Variants in FYCO1 observed in about 807,000 individuals in gnomAD.
FYCO1 encodes FYVE and coiled-coil domain-containing protein 1.
A neutral mutation model predicts 165.1 loss-of-function variants in FYCO1; 122 were observed. The ratio of observed to expected loss-of-function variants is 0.74; its 90% CI spans 0.64 to 0.86. The LOEUF is 0.86. FYCO1 is among the 40% of genes least tolerant of loss of function. The pLI is 0.00. For synonymous variants in FYCO1, 648 were observed against 742.5 expected, an observed-to-expected ratio of 0.87 and a Z score of 2.07; for missense variants, 1,702 against 1,810.3, an observed-to-expected ratio of 0.94 and a Z score of 1.09.
chr3:45,981,891 T>G (rs1369536790), intron 2 of FYCO1, among the ~76,000 whole-genome samples: 1 of 152,246 alleles, frequency 6.6e-6, no homozygotes, highest in Non-Finnish European at 1.5e-5. Flanking sequence ...GCTTGTTGAC[T>G]GGGCACATTT....
At chr3:45,971,292 G>T (rs1559462742) in intron 6 of FYCO1, among the ~76,000 whole-genome samples, 1 of 152,112 alleles carries the variant, frequency 6.6e-6, no homozygotes, top group Non-Finnish European at 1.5e-5. Flanking sequence ...AAGAAATAAT[G>T]GAGTTAGAAA....
chr3:45,943,606 G>T (rs759885605), intron 14 of FYCO1: 3 of 152,180 alleles, frequency 2.0e-5, no homozygotes, highest in Non-Finnish European at 2.9e-5. Context: ...AGGTATTGTT[G>T]GTATTCTCAG....
intron 5 of FYCO1, among the ~76,000 whole-genome samples, 180 bp downstream of exon 5, chr3:45,975,059 G>T (rs564337332): frequency 6.6e-6 from 1 of 152,024 alleles, no homozygotes; most frequent in African/African-American, 2.4e-5. Context: ...AGTGCTACTT[G>T]CCCACATGTG....
chr3:45,923,789 A>G (rs1324968778), intron 16 of FYCO1, 24 bp from the exon 17 acceptor site: 6 of 1,499,496 alleles, frequency 4.0e-6, no homozygotes, highest in Non-Finnish European at 4.6e-6. Context: ...CAGGTAGGCA[A>G]AAACATCACA....
intron 17 of FYCO1, 43 bp downstream of exon 17, chr3:45,923,613 G>C: frequency 8.3e-7 from 1 of 1,199,584 alleles, no homozygotes; most frequent in Non-Finnish European, 1.2e-6. Flanking sequence ...AGAGGTGAAA[G>C]AGAGGCCTGG....
chr3:45,949,679 T>C (rs1704875413), intron 14 of FYCO1, among the ~76,000 whole-genome samples: 1 of 152,164 alleles, frequency 6.6e-6, no homozygotes, highest in South Asian at 2.1e-4. Flanking sequence ...GCACCATGCT[T>C]GGGCCTGCCT....
rs987304136 is a variant in FYCO1, at chr3:45,919,031, G to T, written c.*2734C>A. On this transcript the variant is annotated 3_prime_UTR_variant, in exon 18 of 18. Coordinates refer to ENST00000296137, the MANE Select transcript of FYCO1 (RefSeq NM_024513.4). The stretch of plus-strand genomic sequence containing the variant: ...CTGGTATCGATATGAAGACGTAACT[G>T]TTATTCAGAGAGATGAGCCATCAAG... The T allele has an allele frequency of 1.3e-5, 2 of 149,082 alleles. No individual in the cohort carries two copies. The highest frequency in any genetic ancestry group is 2.5e-5 in the African/African-American group (1 of 39,942). 9.2% of individuals were successfully genotyped at this position (149,082 alleles called of 1,614,324 possible). A position where few individuals can be genotyped will look rare whatever the true frequency, so the allele number is the denominator to read the frequency against.
Position 45,967,814 on chromosome 3 carries a change from T to G in FYCO1, c.1520A>C (p.Glu507Ala). ...QQEEKELLEQEVRSLTRQLQF... is the reference protein window; with the variant it reads ...QQEEKELLEQAVRSLTRQLQF... Reference sequence around the variant, plus strand: ...CAGCTGCCGGGTCAGAGACCTGACCTCCTGCTCCAGCAGCTCCTTCTCCTC... The same window carrying G: ...CAGCTGCCGGGTCAGAGACCTGACCGCCTGCTCCAGCAGCTCCTTCTCCTC... The change falls in exon 8 of 18, where the codon GAG becomes GCG. Residue 507 changes from glutamate (E) to alanine (A), a missense_variant. By Grantham distance (107) the Glu-to-Ala change is moderately radical. Coordinates refer to ENST00000296137, the MANE Select transcript of FYCO1 (RefSeq NM_024513.4). The G allele has an allele frequency of 6.2e-7, 1 of 1,614,086 alleles. No individual in the cohort carries two copies. The highest frequency in any genetic ancestry group is 8.5e-7 in the Non-Finnish European group (1 of 1,180,018).
chr3:45,929,994 G>A (rs978027593), intron 16 of FYCO1, among the ~76,000 whole-genome samples: 3 of 152,120 alleles, frequency 2.0e-5, no homozygotes, highest in Non-Finnish European at 4.4e-5. Context: ...CAAGCCCCTC[G>A]AGGGCACCCA....
rs753353238 is a variant in FYCO1 at position 45,981,557 on chromosome 3, A to G, written c.162+13T>C. ...ACCAGTGCAAAAATCAACACATTAC[A>G]GGCATCACTTACTTGCAGGAGATAC... On this transcript the variant is annotated intron_variant, in intron 3 of 17. Coordinates refer to ENST00000296137, the MANE Select transcript of FYCO1 (RefSeq NM_024513.4). The G allele has an allele frequency of 4.7e-6, 7 of 1,485,614 alleles. No homozygotes were observed. In the Admixed American group the frequency reaches 8.4e-5, roughly 18 times the overall value. The allele number at this position is 1,485,614 out of a possible 1,614,324, so 92.0% of individuals were successfully genotyped here. A position where few individuals can be genotyped will look rare whatever the true frequency, so the allele number is the denominator to read the frequency against.
chr3:45,934,675 C>A (rs970736746), intron 15 of FYCO1, among the ~76,000 whole-genome samples: 1 of 152,090 alleles, frequency 6.6e-6, no homozygotes, highest in Non-Finnish European at 1.5e-5. Flanking sequence ...TATCAACAGG[C>A]TAAGGAAGAA....
chr3:45,951,856 A>G (rs112732283), intron 14 of FYCO1, among the ~76,000 whole-genome samples: 3,418 of 152,166 alleles, frequency 0.022, 135 homozygotes, highest in African/African-American at 0.076. Context: ...CCCCTTCCTG[A>G]CCCATCTCTG....
chr3:45,965,259 T>G, intron 8 of FYCO1, 134 bp from the exon 9 acceptor site: 2 of 680,652 alleles, frequency 2.9e-6, no homozygotes, highest in Non-Finnish European at 5.2e-6. Context: ...TCAATGAGCT[T>G]TGGGTTTATT....
chr3:45,946,741 G>A (rs1316709472), intron 14 of FYCO1: 1 of 1,614,080 alleles, frequency 6.2e-7, no homozygotes, highest in Non-Finnish European at 8.5e-7. Flanking sequence ...CTGCCCTTCT[G>A]GGCCTATGCA....
At chr3:45,922,345 G>C (rs1703124099) in intron 17 of FYCO1, among the ~76,000 whole-genome samples, 1 of 152,254 alleles carries the variant, frequency 6.6e-6, no homozygotes, top group African/African-American at 2.4e-5. Flanking sequence ...CTGGGAGCCT[G>C]CTCGGGCTTG....
At chr3:45,986,065 G>C (rs1322727495) in intron 1 of FYCO1, among the ~76,000 whole-genome samples, 2 of 152,240 alleles carry the variant, frequency 1.3e-5, no homozygotes, top group African/African-American at 4.8e-5. Context: ...TGGTGGAGCA[G>C]ATAACATCGT....
At chr3:45,983,952 C>T (rs1707184496) in intron 2 of FYCO1, among the ~76,000 whole-genome samples, 1 of 152,208 alleles carries the variant, frequency 6.6e-6, no homozygotes, top group South Asian at 2.1e-4. Context: ...ATGAGAACTG[C>T]ACTGTGGCCA....
intron 13 of FYCO1, among the ~76,000 whole-genome samples, chr3:45,957,724 C>CAA (rs1705426046): frequency 1.3e-5 from 2 of 152,266 alleles, no homozygotes; most frequent in Non-Finnish European, 2.9e-5. Flanking sequence ...GACAGTATTT[C>CAA]TAAAGGCTGG....
chr3:45,950,709 T>G (rs1575352541), intron 14 of FYCO1, among the ~76,000 whole-genome samples: 1 of 152,304 alleles, frequency 6.6e-6, no homozygotes, highest in East Asian at 1.9e-4. Context: ...GATTAATGCC[T>G]GCCAAAGCTC....
Sources: gnomAD v4.1 joint callset for allele counts (sites outside exome capture counted in the v4.1 genomes callset) on GRCh38, gnomAD v4.1.1 for gene constraint, MANE v1.5 for transcripts, NCBI Gene and HGNC (gene_info 2026-07-23, HGNC 2026-07-21) for gene names.